The following ANKRD55 variants were observed in gnomAD, a reference collection of about 807,000 sequenced individuals.
ANKRD55 encodes the protein ankyrin repeat domain-containing protein 55.
In ANKRD55, 41 loss-of-function variants were observed where a neutral mutation model predicts 60.6. The observed-to-expected ratio is 0.68, with a 90% confidence interval of 0.53 to 0.88. ANKRD55 has a LOEUF of 0.88. ANKRD55 is among the 40% of genes least tolerant of loss of function. ANKRD55 has a pLI of 0.00. For synonymous variants in ANKRD55, 264 were observed against 290.3 expected (o/e 0.91, Z 0.92); for missense variants, 732 against 767.6 (o/e 0.95, Z 0.55).
At chr5:56,192,618 C>T (rs1759126863) in intron 2 of ANKRD55, 1 of 709,460 alleles carries the variant, frequency 1.4e-6, no homozygotes, top group Non-Finnish European at 2.4e-6. Context: ...ATTTTATTTT[C>T]TCAGCTACTT....
chr5:56,171,577 G>C (rs1758611789), intron 4 of ANKRD55, among the ~76,000 whole-genome samples: 1 of 152,168 alleles, frequency 6.6e-6, no homozygotes, highest in African/African-American at 2.4e-5. Context: ...TGATAACCAA[G>C]TTTGGCTCGC....
At chr5:56,136,705 G>T (rs1384869200) in intron 7 of ANKRD55, among the ~76,000 whole-genome samples, 1 of 152,126 alleles carries the variant, frequency 6.6e-6, no homozygotes, top group Non-Finnish European at 1.5e-5. Context: ...AGGATCACTT[G>T]AGTCCCGGAG....
At chr5:56,126,397 T>G (rs1286590849) in intron 8 of ANKRD55, among the ~76,000 whole-genome samples, 2 of 152,154 alleles carry the variant, frequency 1.3e-5, no homozygotes, top group Non-Finnish European at 2.9e-5. Context: ...TCTAACTAGC[T>G]CTGACAGAAG....
At chr5:56,185,904 A>C (rs1399579803) in intron 2 of ANKRD55, among the ~76,000 whole-genome samples, 1 of 152,206 alleles carries the variant, frequency 6.6e-6, no homozygotes, top group Non-Finnish European at 1.5e-5. Context: ...CACTTATGAC[A>C]ACAAACTGTT....
At chr5:56,135,269 TCCC>T (rs1199640574) in intron 7 of ANKRD55, among the ~76,000 whole-genome samples, 1 of 105,362 alleles carries the variant, frequency 9.5e-6, no homozygotes, top group African/African-American at 5.1e-5. Context: ...CTTCTTTCCC[TCCC>T]TCCCTCCCTG....
chr5:56,115,268 C>T (rs886731765), intron 9 of ANKRD55, among the ~76,000 whole-genome samples: 7 of 150,966 alleles, frequency 4.6e-5, no homozygotes, highest in African/African-American at 1.5e-4. Context: ...AAACAAAACA[C>T]ATTACATCGC....
intron 2 of ANKRD55, among the ~76,000 whole-genome samples, chr5:56,191,759 T>A (rs1298712026): frequency 6.6e-6 from 1 of 152,166 alleles, no homozygotes; most frequent in Non-Finnish European, 1.5e-5. Flanking sequence ...CAGAATAGCA[T>A]GTACTTCAGA....
In ANKRD55 at chr5:56,184,922, A is replaced by G. The variant is rs1289551133; in HGVS notation, c.59-1288T>C. Among the ~76,000 whole-genome samples the G allele has an allele frequency of 2.0e-5, 3 of 151,408 alleles. No homozygotes were observed. In the South Asian group the frequency reaches 6.3e-4, roughly 32 times the overall value. The stretch of plus-strand genomic sequence containing the variant: ...AAAAAAAAAAGAAAGGCGACAACAG[A>G]ACTATGGGTCAAGTGGGGCTGGGTG... On this transcript the variant is annotated intron_variant, in intron 2 of 11. Transcript: ENST00000341048.
intron 2 of ANKRD55, among the ~76,000 whole-genome samples, chr5:56,228,430 T>C (rs1760171810): frequency 6.6e-6 from 1 of 150,526 alleles, no homozygotes; most frequent in Non-Finnish European, 1.5e-5. Context: ...CAGCTGACTT[T>C]TTTTTTTTTT....
chr5:56,183,182 G>T (rs1758886875), intron 3 of ANKRD55, among the ~76,000 whole-genome samples: 1 of 152,186 alleles, frequency 6.6e-6, no homozygotes, highest in African/African-American at 2.4e-5. Context: ...CCAAAGAAAT[G>T]CATCTACTCC....
chr5:56,183,633 A>T lies in ANKRD55; in HGVS notation c.60T>A (p.Gly20=). 6.2e-7 allele frequency: 1 copy of T among 1,614,050 alleles called. No individual in the cohort carries two copies. The highest frequency in any genetic ancestry group is 8.5e-7 in the Non-Finnish European group (1 of 1,179,954). The part of the protein sequence containing the change: ...STPSVFDQQR[G]DSSEEVDLTM... ...TCAGGTCAACTTCCTCAGATGAGTC[A>T]CCTTCATGCATAAAACAGACACAAT... is the stretch of plus-strand genomic sequence containing the variant. Residue 20 remains glycine (G), a splice_region_variant and synonymous_variant, in exon 3 of 12, where the codon GGT becomes GGA. Coordinates refer to ENST00000341048, the MANE Select transcript of ANKRD55 (RefSeq NM_024669.3).
intron 2 of ANKRD55, among the ~76,000 whole-genome samples, chr5:56,218,374 C>T (rs111812233): frequency 0.027 from 4,117 of 152,126 alleles, 57 homozygotes; most frequent in Middle Eastern, 0.054. Flanking sequence ...ATGCAGCAAA[C>T]TTTATTTTTG....
chr5:56,218,868 A>T (rs6860267), intron 2 of ANKRD55, among the ~76,000 whole-genome samples: 14,998 of 152,258 alleles, frequency 0.099, 1,329 homozygotes, highest in African/African-American at 0.24. Context: ...AGCAAATGAT[A>T]AAGCAAACGG....
chr5:56,109,543 T>G (rs1051909726), intron 10 of ANKRD55, among the ~76,000 whole-genome samples: 1 of 151,930 alleles, frequency 6.6e-6, no homozygotes, highest in Non-Finnish European at 1.5e-5. Context: ...GATCTTTTTT[T>G]TTTTTTCTGT....
chr5:56,187,920 A>T (rs929048239), intron 2 of ANKRD55, among the ~76,000 whole-genome samples: 3 of 152,240 alleles, frequency 2.0e-5, no homozygotes, highest in Non-Finnish European at 4.4e-5. Context: ...GACCCCCGGT[A>T]ACAATATCTT....
chr5:56,100,387 G>C (rs1756236317), intron 11 of ANKRD55, 83 bp from the exon 12 acceptor site: 1 of 1,542,788 alleles, frequency 6.5e-7, no homozygotes, highest in Admixed American at 1.7e-5. Context: ...TTGTGTTTTA[G>C]GAGTCGAGGC....
intron 3 of ANKRD55, among the ~76,000 whole-genome samples, chr5:56,181,253 G>A (rs1393492290): frequency 3.9e-5 from 6 of 152,148 alleles, no homozygotes; most frequent in Non-Finnish European, 1.5e-5. Context: ...GAATTGGAGT[G>A]GTGAGAGTGG....
chr5:56,106,420 CTTTTTTTTTT>C (rs71602938), intron 10 of ANKRD55, among the ~76,000 whole-genome samples: 3 of 96,914 alleles, frequency 3.1e-5, no homozygotes, highest in Admixed American at 1.1e-4. Flanking sequence ...GCTAGGAAAG[CTTTTTTTTTT>C]TTTTTTTTTT....
intron 4 of ANKRD55, among the ~76,000 whole-genome samples, chr5:56,173,448 TCGGCCTCC>T (rs1274524454): frequency 6.6e-6 from 1 of 151,776 alleles, no homozygotes; most frequent in Non-Finnish European, 1.5e-5. Flanking sequence ...TCCACCTGCC[TCGGCCTCC>T]CAAAGTGCTG....
Sources: allele counts gnomAD v4.1 joint callset (sites outside exome capture counted in the v4.1 genomes callset), GRCh38; gene constraint gnomAD v4.1.1; transcripts MANE v1.5; gene names NCBI Gene and HGNC (gene_info 2026-07-23, HGNC 2026-07-21).